ENTREP2: variants seen among roughly 807,000 people sequenced by gnomAD.
The protein encoded by ENTREP2 is endosomal transmembrane epsin interactor 2.
At chr15:29,133,743 C>T in the ENTREP2 span, among the ~76,000 whole-genome samples, 2 of 152,164 alleles carry the variant, frequency 1.3e-5, no homozygotes, top group Non-Finnish European at 2.9e-5. Flanking sequence ...GGGGCTCCCT[C>T]TCTCACATTT....
At chr15:29,668,609 A>G in the ENTREP2 span, among the ~76,000 whole-genome samples, 17 of 152,192 alleles carry the variant, frequency 1.1e-4, no homozygotes, top group Non-Finnish European at 4.4e-5. Context: ...TGATACTACA[A>G]CATGGATTAA....
At chr15:29,327,104 T>TA in the ENTREP2 span, among the ~76,000 whole-genome samples, 1 of 152,190 alleles carries the variant, frequency 6.6e-6, no homozygotes, top group Non-Finnish European at 1.5e-5. Flanking sequence ...TGCAGAACTA[T>TA]AAAAGTTCTT....
chr15:29,618,365 G>A, the ENTREP2 span, among the ~76,000 whole-genome samples: 1 of 151,306 alleles, frequency 6.6e-6, no homozygotes, highest in Non-Finnish European at 1.5e-5. Flanking sequence ...GGAGGTTGCA[G>A]TGAGCTGAGA....
At chr15:29,558,808 T>C in the ENTREP2 span, among the ~76,000 whole-genome samples, 1 of 142,706 alleles carries the variant, frequency 7.0e-6, no homozygotes, top group East Asian at 2.1e-4. Context: ...AAGATCTTTA[T>C]GATGATCCAC....
the ENTREP2 span, among the ~76,000 whole-genome samples, chr15:29,216,299 TC>T: frequency 6.6e-6 from 1 of 152,192 alleles, no homozygotes; most frequent in Non-Finnish European, 1.5e-5. Context: ...AGGGCCCTGA[TC>T]CGTTTTAGCT....
the ENTREP2 span, among the ~76,000 whole-genome samples, chr15:29,462,240 G>T: frequency 6.6e-6 from 1 of 152,118 alleles, no homozygotes; most frequent in Non-Finnish European, 1.5e-5. Context: ...TTGAGCCTCT[G>T]CTTTCCATCC....
chr15:29,167,254 C>G, the ENTREP2 span, among the ~76,000 whole-genome samples: 7 of 152,122 alleles, frequency 4.6e-5, no homozygotes, highest in East Asian at 1.2e-3. Flanking sequence ...TAGGCATTGG[C>G]TTAGGCAAGG....
At chr15:29,401,214 G>C in the ENTREP2 span, among the ~76,000 whole-genome samples, 1 of 151,674 alleles carries the variant, frequency 6.6e-6, no homozygotes, top group Non-Finnish European at 1.5e-5. Context: ...CACATTTATG[G>C]TTAAAAAAAA....
the ENTREP2 span, among the ~76,000 whole-genome samples, chr15:29,192,129 C>T: frequency 7.9e-3 from 1,202 of 152,168 alleles, 10 homozygotes; most frequent in African/African-American, 0.027. Flanking sequence ...TGGCCCCCAG[C>T]AATCATGAGG....
chr15:29,341,711 G>A, the ENTREP2 span, among the ~76,000 whole-genome samples: 2 of 152,106 alleles, frequency 1.3e-5, no homozygotes, highest in Non-Finnish European at 2.9e-5. Flanking sequence ...CCGGGTCTTG[G>A]GGGCCTTCTA....
chr15:29,118,475 C>T, the ENTREP2 span, among the ~76,000 whole-genome samples: 15 of 152,284 alleles, frequency 9.9e-5, no homozygotes, highest in Middle Eastern at 3.4e-3. Flanking sequence ...CTAATGAGTT[C>T]GGTGGGTGGG....
the ENTREP2 span, among the ~76,000 whole-genome samples, chr15:29,575,478 A>G: frequency 0.16 from 24,725 of 152,080 alleles, 2,850 homozygotes; most frequent in East Asian, 0.49. Flanking sequence ...ATTCACCACC[A>G]CTGTTCAATA....
At chr15:29,201,779 C>G in the ENTREP2 span, among the ~76,000 whole-genome samples, 1 of 152,018 alleles carries the variant, frequency 6.6e-6, no homozygotes. Flanking sequence ...GGTAGCATGG[C>G]AATATTACTT....
chr15:29,146,506 G>T, the ENTREP2 span, among the ~76,000 whole-genome samples: 2 of 152,310 alleles, frequency 1.3e-5, no homozygotes, highest in South Asian at 4.1e-4. Flanking sequence ...TATATCTATG[G>T]TCAATTGAGT....
chr15:29,420,007 T>G, the ENTREP2 span, among the ~76,000 whole-genome samples: 1 of 152,026 alleles, frequency 6.6e-6, no homozygotes, highest in Non-Finnish European at 1.5e-5. Context: ...GACCAAACTT[T>G]GGAAGTTATG....
chr15:29,462,007 C>T, the ENTREP2 span, among the ~76,000 whole-genome samples: 37 of 152,120 alleles, frequency 2.4e-4, no homozygotes, highest in African/African-American at 8.4e-4. Flanking sequence ...TACAGTTATT[C>T]GTCCTTTTGT....
chr15:29,173,531 A>G, the ENTREP2 span, among the ~76,000 whole-genome samples: 194 of 152,028 alleles, frequency 1.3e-3, no homozygotes, highest in Non-Finnish European at 2.3e-3. Flanking sequence ...AAGTAGGTGA[A>G]CCCCGGGGCA....
the ENTREP2 span, among the ~76,000 whole-genome samples, chr15:29,368,040 TGGCCTGG>T: frequency 2.0e-5 from 3 of 147,306 alleles, no homozygotes; most frequent in Non-Finnish European, 3.0e-5. Flanking sequence ...AAGTGATCCC[TGGCCTGG>T]CACAGTGGCT....
the ENTREP2 span, chr15:29,234,181 A>G: frequency 1.2e-6 from 2 of 1,601,968 alleles, no homozygotes; most frequent in East Asian, 2.2e-5. Flanking sequence ...ATCTGGGTCC[A>G]GTATCTGACC....
Sources: gnomAD v4.1 joint callset for allele counts (sites outside exome capture counted in the v4.1 genomes callset) on GRCh38, gnomAD v4.1.1 for gene constraint, MANE v1.5 for transcripts, NCBI Gene and HGNC (gene_info 2026-07-23, HGNC 2026-07-21) for gene names.